The following UNC79 variants were observed in gnomAD, a reference collection of about 807,000 sequenced individuals.
UNC79 encodes unc-79 subunit of NALCN channel complex, also known as protein unc-79 homolog.
Under a neutral mutation model 283.1 loss-of-function variants are expected in UNC79, and 37 were observed. That is an observed-to-expected ratio of 0.13 (90% CI 0.10 to 0.17). The LOEUF (loss-of-function observed/expected upper bound fraction) is 0.17, where lower values mean the gene tolerates loss of function less well. Among genes scored for constraint, UNC79 ranks in the 10% least tolerant of loss-of-function variants. The pLI, the probability that UNC79 is intolerant of heterozygous loss-of-function variation, is 1.00. For synonymous variants in UNC79, 1,107 were observed against 1,200.2 expected, an observed-to-expected ratio of 0.92 and a Z score of 1.61; for missense variants, 2,272 against 3,211.1, an observed-to-expected ratio of 0.71 and a Z score of 7.07.
At chr14:93,691,582 C>G (rs2074703601) in intron 45 of UNC79, 167 bp from the exon 49 acceptor site, 1 of 688,302 alleles carries the variant, frequency 1.5e-6, no homozygotes, top group Non-Finnish European at 2.5e-6. Flanking sequence ...GAGAGCACAG[C>G]AGATAGTTTC....
intron 39 of UNC79, among the ~76,000 whole-genome samples, chr14:93,660,541 ATATATATATATATATATATATATGTGTG>A (rs1280090063): frequency 8.5e-6 from 1 of 117,980 alleles, no homozygotes; most frequent in African/African-American, 3.9e-5. Context: ...ATATATATAT[ATATATATATATATATATATATATGTGTG>A]TGTGTGTGTG....
chr14:93,540,143 CAATACT>C (rs1428395379), intron 12 of UNC79, among the ~76,000 whole-genome samples: 7 of 152,168 alleles, frequency 4.6e-5, no homozygotes, highest in African/African-American at 1.7e-4. Context: ...TAAAACTTAC[CAATACT>C]GAGTGTTGCT....
At chr14:93,553,664 C>G (rs2062010913) in intron 14 of UNC79, among the ~76,000 whole-genome samples, 1 of 152,166 alleles carries the variant, frequency 6.6e-6, no homozygotes, top group Non-Finnish European at 1.5e-5. Flanking sequence ...ATAGCAGATA[C>G]TTAGGCATAT....
upstream of UNC79, among the ~76,000 whole-genome samples, chr14:93,425,930 A>C (rs967556863): frequency 1.3e-5 from 2 of 152,146 alleles, no homozygotes; most frequent in African/African-American, 2.4e-5. Context: ...ACTGGGAGAA[A>C]ATCTGCATTT....
chr14:93,580,711 G>T (rs2063744207), intron 19 of UNC79, among the ~76,000 whole-genome samples: 1 of 152,032 alleles, frequency 6.6e-6, no homozygotes. Context: ...ACTGTAAAAT[G>T]TATTTTTTTT....
At chr14:93,662,857 C>A in intron 40 of UNC79, 143 bp downstream of exon 43, 1 of 544,376 alleles carries the variant, frequency 1.8e-6, no homozygotes, top group Non-Finnish European at 3.3e-6. Flanking sequence ...TAATAAATAC[C>A]ATGGTAAGGA....
Position 93,541,880 on chromosome 14 carries a change from C to G in UNC79, c.1525-586C>G, listed in dbSNP as rs7155626. On this transcript the variant is annotated intron_variant, in intron 13 of 48. Transcript: ENST00000555664. Reference sequence around the variant, plus strand: ...ATTAGCTGGGTGTGGTGGCAAGCGCCTGTAGTCCCAGCTACTCGGGAGGCT... The same window carrying G: ...ATTAGCTGGGTGTGGTGGCAAGCGCGTGTAGTCCCAGCTACTCGGGAGGCT... 2.6e-5 allele frequency among the ~76,000 whole-genome samples: 4 copies of G among 151,906 alleles called. No homozygotes were observed. In the East Asian group the frequency reaches 7.7e-4, roughly 29 times the overall value.
At chr14:93,445,357 TGTGA>T (rs2056433183) in intron 1 of UNC79, among the ~76,000 whole-genome samples, 1 of 152,190 alleles carries the variant, frequency 6.6e-6, no homozygotes, top group African/African-American at 2.4e-5. Flanking sequence ...ATAAAAGTGA[TGTGA>T]GTGAGTGTTC....
chr14:93,384,519 A>G (rs905040573), intron 1 of UNC79, among the ~76,000 whole-genome samples: 1 of 152,210 alleles, frequency 6.6e-6, no homozygotes. Context: ...ATGTCTATTC[A>G]GATCTTTTGC....
chr14:93,630,417 TCAGA>T (rs2067930903), intron 30 of UNC79, among the ~76,000 whole-genome samples: 1 of 152,262 alleles, frequency 6.6e-6, no homozygotes. Flanking sequence ...TAGGAAATTG[TCAGA>T]CAAAGGTGGA....
intron 1 of UNC79, among the ~76,000 whole-genome samples, chr14:93,390,173 A>C (rs1208660345): frequency 1.3e-5 from 2 of 152,384 alleles, no homozygotes; most frequent in Non-Finnish European, 1.5e-5. Context: ...GGAAACAATC[A>C]ATCAATGTAA....
At chr14:93,620,443 AT>A (rs879814675) in intron 29 of UNC79, among the ~76,000 whole-genome samples, 1 of 151,374 alleles carries the variant, frequency 6.6e-6, no homozygotes, top group Non-Finnish European at 1.5e-5. Flanking sequence ...ATAAAGGCAG[AT>A]TTTTTTTTCT....
intron 14 of UNC79, among the ~76,000 whole-genome samples, chr14:93,553,409 G>A (rs1349451011): frequency 5.3e-5 from 8 of 152,152 alleles, no homozygotes; most frequent in Non-Finnish European, 1.0e-4. Flanking sequence ...ATCTCCAAGA[G>A]GGTCTTACAA....
At chr14:93,661,002 A>C (rs889496854) in intron 39 of UNC79, among the ~76,000 whole-genome samples, 3 of 152,192 alleles carry the variant, frequency 2.0e-5, no homozygotes, top group African/African-American at 7.2e-5. Context: ...CTGTGGGGGA[A>C]TACAAATAAG....
At chr14:93,434,959 T>G (rs1355710075) in intron 1 of UNC79, among the ~76,000 whole-genome samples, 1 of 152,160 alleles carries the variant, frequency 6.6e-6, no homozygotes, top group Non-Finnish European at 1.5e-5. Context: ...AGATAAACAA[T>G]TTTAAGAGTG....
At chr14:93,391,877 T>C (rs1474871457) in intron 1 of UNC79, among the ~76,000 whole-genome samples, 1 of 152,210 alleles carries the variant, frequency 6.6e-6, no homozygotes, top group Non-Finnish European at 1.5e-5. Context: ...AACTCAGTAA[T>C]CAGTGAATTG....
At chr14:93,626,069 A>G (rs2067548896) in intron 30 of UNC79, among the ~76,000 whole-genome samples, 1 of 152,216 alleles carries the variant, frequency 6.6e-6, no homozygotes. Flanking sequence ...ACAAAAACAC[A>G]TAATGTTGGC....
intron 30 of UNC79, among the ~76,000 whole-genome samples, chr14:93,625,283 T>C (rs8010047): frequency 0.74 from 113,131 of 152,102 alleles, 42,838 homozygotes; most frequent in African/African-American, 0.88. Flanking sequence ...CTCTAGAAAC[T>C]CCCTCTCTGA....
At chr14:93,443,985 T>A (rs1267686981) in intron 1 of UNC79, among the ~76,000 whole-genome samples, 1 of 152,242 alleles carries the variant, frequency 6.6e-6, no homozygotes, top group East Asian at 1.9e-4. Flanking sequence ...CTTGGTAGTA[T>A]GGTTAATGAA....
Sources: allele counts gnomAD v4.1 joint callset (sites outside exome capture counted in the v4.1 genomes callset), GRCh38; gene constraint gnomAD v4.1.1; transcripts MANE v1.5; gene names NCBI Gene and HGNC (gene_info 2026-07-23, HGNC 2026-07-21).